CSMD1: variants seen among roughly 807,000 people sequenced by gnomAD.
CSMD1 encodes CUB and sushi domain-containing protein 1.
CSMD1 carries 213 observed loss-of-function variants against 417.5 expected under a neutral mutation model. That is an observed-to-expected ratio of 0.51 (90% CI 0.46 to 0.57). The LOEUF (loss-of-function observed/expected upper bound fraction) is 0.57, where lower values mean the gene tolerates loss of function less well. Ranked by LOEUF, CSMD1 falls within the 20% of genes least tolerant of loss-of-function variation. The probability of loss-of-function intolerance (pLI) is 0.00; values close to 1 mark genes in which losing one functional copy is unlikely to be tolerated. For synonymous variants in CSMD1, 2,862 were observed against 1,736.8 expected (o/e 1.65, Z -16.11); for missense variants, 6,923 against 4,529.7 (o/e 1.53, Z -15.17).
At chr8:4,863,869 C>T (rs1426356231) in intron 1 of CSMD1, among the ~76,000 whole-genome samples, 1 of 151,760 alleles carries the variant, frequency 6.6e-6, no homozygotes, top group Non-Finnish European at 1.5e-5. Flanking sequence ...TTTTATTCTG[C>T]CTTCACAAAA....
intron 3 of CSMD1, among the ~76,000 whole-genome samples, chr8:4,149,254 A>C (rs375697441): frequency 1.6e-4 from 25 of 152,146 alleles, no homozygotes; most frequent in African/African-American, 6.0e-4. Context: ...ATAAGCCACT[A>C]TGCCCAGCCC....
intron 54 of CSMD1, among the ~76,000 whole-genome samples, chr8:2,983,018 T>C (rs1296131346): frequency 6.6e-6 from 1 of 152,134 alleles, no homozygotes; most frequent in African/African-American, 2.4e-5. Context: ...CTTTGCAGGA[T>C]TCGTATCTAT....
In CSMD1 at chr8:3,695,411, G is replaced by A. The variant is rs532586831; in HGVS notation, c.1009+13003C>T. On this transcript the variant is annotated intron_variant, in intron 7 of 69. Transcript: ENST00000635120. ...TGTATGCTAAAACTCACTTTTATTA[G>A]GTACACTCCAATTAATCCTCTTGGT... Among the ~76,000 whole-genome samples, 1,474 of 151,968 alleles carry A rather than the reference G, an allele frequency of 9.7e-3. 31 individuals carry two copies. The highest frequency in any genetic ancestry group is 0.034 in the African/African-American group (1,407 of 41,416).
intron 3 of CSMD1, among the ~76,000 whole-genome samples, chr8:4,151,714 T>A (rs915053192): frequency 6.6e-6 from 1 of 152,358 alleles, no homozygotes; most frequent in Middle Eastern, 3.4e-3. Flanking sequence ...CTCACACAGA[T>A]AAATTAACAG....
Position 4,861,786 on chromosome 8 carries a change from A to G in CSMD1, c.85+132546T>C, listed in dbSNP as rs569311948. Among the ~76,000 whole-genome samples the G allele has an allele frequency of 2.0e-3, 308 of 152,182 alleles. 3 individuals are homozygous for G. The highest frequency in any genetic ancestry group is 7.1e-3 in the African/African-American group (294 of 41,478). ...AAATGTCTAAGATATAAAGCTCTAA[A>G]TAACTTTTTGCTCAAAATTTATTAA... On this transcript the variant is annotated intron_variant, in intron 1 of 69. Transcript: ENST00000635120.
chr8:3,066,894 T>G (rs181320794), intron 49 of CSMD1, among the ~76,000 whole-genome samples: 2 of 152,314 alleles, frequency 1.3e-5, no homozygotes, highest in East Asian at 3.9e-4. Context: ...AATTATTACT[T>G]GTAGTGTCTT....
At chr8:3,759,197 A>G (rs974750338) in intron 5 of CSMD1, among the ~76,000 whole-genome samples, 37 of 152,208 alleles carry the variant, frequency 2.4e-4, no homozygotes, top group African/African-American at 8.0e-4. Flanking sequence ...GTTGAGATGT[A>G]TACATTAAAT....
chr8:3,632,788 G>C (rs1312556913), intron 7 of CSMD1, among the ~76,000 whole-genome samples: 1 of 152,136 alleles, frequency 6.6e-6, no homozygotes, highest in Non-Finnish European at 1.5e-5. Flanking sequence ...GTCTCCATTT[G>C]CTTTCCTGTT....
chr8:4,229,599 G>C (rs1801582308), intron 3 of CSMD1, among the ~76,000 whole-genome samples: 1 of 152,082 alleles, frequency 6.6e-6, no homozygotes, highest in African/African-American at 2.4e-5. Flanking sequence ...ACTGCATGAA[G>C]GCTCTTCCCC....
At chr8:3,880,524 C>G (rs1366576771) in intron 5 of CSMD1, among the ~76,000 whole-genome samples, 5 of 152,126 alleles carry the variant, frequency 3.3e-5, no homozygotes, top group African/African-American at 4.8e-5. Flanking sequence ...TCTAAAGCCA[C>G]GTAGTTTATT....
At chr8:4,022,458 C>G (rs1042190254) in intron 4 of CSMD1, among the ~76,000 whole-genome samples, 2 of 152,092 alleles carry the variant, frequency 1.3e-5, no homozygotes, top group African/African-American at 4.8e-5. Context: ...CAGATAAGGA[C>G]ATTTGCAGCC....
chr8:3,873,177 A>T (rs547996144), intron 5 of CSMD1, among the ~76,000 whole-genome samples: 2 of 152,316 alleles, frequency 1.3e-5, no homozygotes, highest in South Asian at 4.2e-4. Context: ...CAGAACTACC[A>T]TTCAAGCCAG....
At chr8:3,063,636 T>C (rs111464217) in intron 49 of CSMD1, among the ~76,000 whole-genome samples, 9 of 152,300 alleles carry the variant, frequency 5.9e-5, no homozygotes, top group African/African-American at 1.9e-4. Context: ...ACACAGTGGG[T>C]TATTACTCAG....
intron 1 of CSMD1, among the ~76,000 whole-genome samples, chr8:4,677,739 G>C (rs988815029): frequency 6.6e-6 from 1 of 152,172 alleles, no homozygotes; most frequent in African/African-American, 2.4e-5. Flanking sequence ...GCAGGCAACA[G>C]ATGCTCATCA....
chr8:3,181,405 C>T (rs1472818735), intron 36 of CSMD1, among the ~76,000 whole-genome samples, 191 bp from the exon 37 acceptor site: 1 of 152,174 alleles, frequency 6.6e-6, no homozygotes. Context: ...AAAAGTTACC[C>T]ATTGTCTGCT....
intron 2 of CSMD1, among the ~76,000 whole-genome samples, chr8:4,566,615 T>C (rs1244656656): frequency 1.7e-4 from 21 of 121,692 alleles, no homozygotes; most frequent in Non-Finnish European, 2.7e-4. Flanking sequence ...ATCGCACCAC[T>C]GCACTCCAGC....
At chr8:4,053,851 T>C (rs2130706330) in intron 3 of CSMD1, among the ~76,000 whole-genome samples, 1 of 152,326 alleles carries the variant, frequency 6.6e-6, no homozygotes, top group South Asian at 2.1e-4. Flanking sequence ...AGTAGGTTGG[T>C]TTATATATTG....
chr8:4,214,678 G>C (rs1460038847), intron 3 of CSMD1, among the ~76,000 whole-genome samples: 3 of 152,132 alleles, frequency 2.0e-5, no homozygotes, highest in Non-Finnish European at 4.4e-5. Flanking sequence ...GTATGAGTGT[G>C]TTTGGTGTGT....
At chr8:4,286,046 G>A (rs779215655) in intron 3 of CSMD1, among the ~76,000 whole-genome samples, 3 of 152,122 alleles carry the variant, frequency 2.0e-5, no homozygotes, top group East Asian at 1.9e-4. Flanking sequence ...AGTGGAATTT[G>A]TAGTTACATC....
Sources: gnomAD v4.1 joint callset for allele counts (sites outside exome capture counted in the v4.1 genomes callset) on GRCh38, gnomAD v4.1.1 for gene constraint, MANE v1.5 for transcripts, NCBI Gene and HGNC (gene_info 2026-07-23, HGNC 2026-07-21) for gene names.